The following RAPGEF6 variants were observed in gnomAD, a reference collection of about 807,000 sequenced individuals.
The protein encoded by RAPGEF6 is Rap guanine nucleotide exchange factor 6, also known as PDZ domain containing guanine nucleotide exchange factor (GEF) 2.
In RAPGEF6, 56 loss-of-function variants were observed where a neutral mutation model predicts 171.4. That is an observed-to-expected ratio of 0.33 (90% CI 0.26 to 0.41). RAPGEF6 has a LOEUF of 0.41. Ranked by LOEUF, RAPGEF6 falls within the 10% of genes least tolerant of loss-of-function variation. RAPGEF6 has a pLI of 1.00. For missense variants in RAPGEF6, 1,674 were observed against 1,921.4 expected, an observed-to-expected ratio of 0.87 and a Z score of 2.41; for synonymous variants, 692 against 650.1, an observed-to-expected ratio of 1.06 and a Z score of -0.98.
intron 1 of RAPGEF6, among the ~76,000 whole-genome samples, chr5:131,614,822 C>G (rs188991663): frequency 6.6e-6 from 1 of 152,338 alleles, no homozygotes; most frequent in East Asian, 1.9e-4. Flanking sequence ...GTATCCCAAG[C>G]CTAGCCCCAA....
At chr5:131,534,483 C>G (rs983445314) in intron 6 of RAPGEF6, among the ~76,000 whole-genome samples, 2 of 151,976 alleles carry the variant, frequency 1.3e-5, no homozygotes, top group Admixed American at 1.3e-4. Flanking sequence ...AGACACAATA[C>G]CAAAATACAC....
chr5:131,448,216 A>C (rs1429788063), intron 21 of RAPGEF6, among the ~76,000 whole-genome samples: 1 of 152,212 alleles, frequency 6.6e-6, no homozygotes, highest in Non-Finnish European at 1.5e-5. Flanking sequence ...CAAAATCCAG[A>C]AGCTAATGAC....
intron 9 of RAPGEF6, among the ~76,000 whole-genome samples, 189 bp from the exon 10 acceptor site, chr5:131,505,711 TTTC>T (rs1554076477): frequency 6.6e-6 from 1 of 152,220 alleles, no homozygotes; most frequent in Non-Finnish European, 1.5e-5. Flanking sequence ...ATTTTTACTC[TTTC>T]TTCTTTTAGT....
chr5:131,504,440 C>T (rs1158855236), intron 11 of RAPGEF6, among the ~76,000 whole-genome samples, 186 bp downstream of exon 11: 3 of 145,988 alleles, frequency 2.1e-5, no homozygotes. Flanking sequence ...CCAGCCTGGG[C>T]AACAGAGTGA....
intron 17 of RAPGEF6, among the ~76,000 whole-genome samples, chr5:131,467,975 G>A (rs1297059195): frequency 6.6e-6 from 1 of 151,662 alleles, no homozygotes; most frequent in Non-Finnish European, 1.5e-5. Context: ...AGGCTGCAGT[G>A]AGCCGAGATC....
Position 131,464,061 on chromosome 5 carries a change from A to G in RAPGEF6, c.2460T>C (p.Asp820=), listed in dbSNP as rs746458576. The change falls in exon 18 of 28, where the codon GAT becomes GAC. Residue 820 remains aspartate (D), a synonymous_variant. Coordinates refer to ENST00000509018, the MANE Select transcript of RAPGEF6 (RefSeq NM_016340.6). ...TTCACCTTCCATTGAGTTGAATTCT[A>G]TCAGCTAATTTGGAGAACTGATCTG... ...RLPDQFSKLA[D]RIQLNGRYYL... 2.5e-6 allele frequency: 4 copies of G among 1,602,460 alleles called. No individual in the cohort carries two copies. In the Admixed American group the frequency reaches 5.2e-5, roughly 21 times the overall value.
At chr5:131,516,623 T>C (rs965546440) in intron 7 of RAPGEF6, among the ~76,000 whole-genome samples, 3 of 152,142 alleles carry the variant, frequency 2.0e-5, no homozygotes, top group Admixed American at 2.0e-4. Context: ...ACAACATGCT[T>C]TTGTTCAAGA....
intron 24 of RAPGEF6, among the ~76,000 whole-genome samples, chr5:131,434,190 A>G (rs17167682): frequency 0.03 from 4,554 of 152,282 alleles, 253 homozygotes; most frequent in African/African-American, 0.1. Context: ...TACCCCATAT[A>G]TTCTGCATAT....
At chr5:131,536,879 T>C (rs1222338388) in intron 6 of RAPGEF6, among the ~76,000 whole-genome samples, 1 of 152,166 alleles carries the variant, frequency 6.6e-6, no homozygotes, top group Non-Finnish European at 1.5e-5. Flanking sequence ...AAAAATGAAC[T>C]CTCATTTAAA....
chr5:131,538,692 G>A (rs1467313981), intron 6 of RAPGEF6, among the ~76,000 whole-genome samples: 1 of 152,140 alleles, frequency 6.6e-6, no homozygotes, highest in African/African-American at 2.4e-5. Flanking sequence ...TTAAGTGACA[G>A]TAGCTATCTC....
chr5:131,520,729 T>C (rs528223213), intron 7 of RAPGEF6, among the ~76,000 whole-genome samples: 9 of 152,316 alleles, frequency 5.9e-5, no homozygotes, highest in Admixed American at 2.6e-4. Flanking sequence ...GAAGACATCA[T>C]AGAAGTTCCA....
chr5:131,487,011 G>T (rs1023961019), intron 15 of RAPGEF6, among the ~76,000 whole-genome samples: 1 of 152,202 alleles, frequency 6.6e-6, no homozygotes, highest in Non-Finnish European at 1.5e-5. Flanking sequence ...ACTGAGAATG[G>T]TTTGTTCTAG....
chr5:131,569,471 C>A (rs766212189), intron 4 of RAPGEF6, among the ~76,000 whole-genome samples: 9 of 152,158 alleles, frequency 5.9e-5, no homozygotes, highest in Non-Finnish European at 1.2e-4. Flanking sequence ...GGGAAAAAAA[C>A]AGCCTTTTCA....
chr5:131,428,515 C>A (rs1751505009), intron 27 of RAPGEF6, among the ~76,000 whole-genome samples: 1 of 151,200 alleles, frequency 6.6e-6, no homozygotes, highest in African/African-American at 2.4e-5. Context: ...GGCTGGAGTG[C>A]AATGGTGCGA....
chr5:131,450,690 G>A (rs933163809), intron 21 of RAPGEF6, among the ~76,000 whole-genome samples: 98 of 151,880 alleles, frequency 6.5e-4, no homozygotes, highest in Non-Finnish European at 2.6e-4. Context: ...GGGTTACTTT[G>A]TCCAAACTAG....
chr5:131,548,393 G>T (rs569151339), intron 5 of RAPGEF6, among the ~76,000 whole-genome samples: 3 of 152,144 alleles, frequency 2.0e-5, no homozygotes, highest in African/African-American at 7.2e-5. Context: ...CACAGTTTCC[G>T]TCCAGGAAAC....
intron 5 of RAPGEF6, among the ~76,000 whole-genome samples, chr5:131,553,687 A>G (rs899261893): frequency 4.6e-5 from 7 of 152,164 alleles, no homozygotes; most frequent in African/African-American, 1.7e-4. Flanking sequence ...TCATTGGCAG[A>G]CTCAACACAA....
chr5:131,576,948 G>T (rs1762640445), intron 4 of RAPGEF6, among the ~76,000 whole-genome samples: 1 of 152,064 alleles, frequency 6.6e-6, no homozygotes, highest in African/African-American at 2.4e-5. Context: ...ACCCCTCAGG[G>T]ATATCTCAGG....
intron 24 of RAPGEF6, among the ~76,000 whole-genome samples, chr5:131,437,443 G>A (rs931031601): frequency 6.6e-6 from 1 of 152,196 alleles, no homozygotes; most frequent in Non-Finnish European, 1.5e-5. Flanking sequence ...TCTAACAGGG[G>A]TAAGGAGTGT....
Sources: gnomAD v4.1 joint callset for allele counts (sites outside exome capture counted in the v4.1 genomes callset) on GRCh38, gnomAD v4.1.1 for gene constraint, MANE v1.5 for transcripts, NCBI Gene and HGNC (gene_info 2026-07-23, HGNC 2026-07-21) for gene names.